Variants in PAQR8 observed in about 807,000 individuals in gnomAD.
PAQR8 encodes progestin and adipoQ receptor family member 8, also known as membrane progestin receptor beta.
Under a neutral mutation model 25.2 loss-of-function variants are expected in PAQR8, and 17 were observed. That is an observed-to-expected ratio of 0.67 (90% confidence interval 0.46 to 1.01). The LOEUF is 1.01. Among genes scored for constraint, PAQR8 ranks in the 50% least tolerant of loss-of-function variants. The probability of loss-of-function intolerance (pLI) is 0.00; values close to 1 mark genes in which losing one functional copy is unlikely to be tolerated. For missense variants in PAQR8, 392 were observed against 448.4 expected (o/e 0.87, Z 1.14); for synonymous variants, 204 against 190.6 (o/e 1.07, Z -0.58).
chr6:52,397,975 G>A (rs1293413750), intron 1 of PAQR8, among the ~76,000 whole-genome samples: 2 of 152,092 alleles, frequency 1.3e-5, no homozygotes, highest in South Asian at 2.1e-4. Context: ...CTTGGTGAAA[G>A]TGAGGCCTAA....
Position 52,406,446 on chromosome 6 carries a change from C to G in PAQR8, c.*2168C>G, listed in dbSNP as rs1763910979. ...GATCAGATGGGTGCACAGACCAGTGCCAATCTGAACATTGTTAATGGCCTG... is the reference window on the plus strand; with the variant it reads ...GATCAGATGGGTGCACAGACCAGTGGCAATCTGAACATTGTTAATGGCCTG... On this transcript the variant is annotated 3_prime_UTR_variant, in exon 2 of 2. Transcript: ENST00000442253. 1 of 413,260 alleles carries G rather than the reference C, an allele frequency of 2.4e-6. No individual in the cohort carries two copies. The highest frequency in any genetic ancestry group is 2.1e-5 in the African/African-American group (1 of 48,582). 25.6% of individuals were successfully genotyped at this position (413,260 alleles called of 1,614,324 possible).
At chr6:52,380,027 C>T (rs1287798432) in intron 1 of PAQR8, among the ~76,000 whole-genome samples, 1 of 152,186 alleles carries the variant, frequency 6.6e-6, no homozygotes, top group Non-Finnish European at 1.5e-5. Flanking sequence ...TCCCAAAGTG[C>T]TGGGATTACA....
In PAQR8 at chr6:52,405,829, ATT is replaced by A. The variant is rs1763901364; in HGVS notation, c.*1554_*1555del. 1 of 166,984 alleles carries A rather than the reference ATT, an allele frequency of 6.0e-6. No individual in the cohort carries two copies. Among genetic ancestry groups the A allele is most frequent in the South Asian group, 2.1e-4 (1 of 4,828 alleles). 10.3% of individuals were successfully genotyped at this position (166,984 alleles called of 1,614,324 possible). On this transcript the variant is annotated 3_prime_UTR_variant, in exon 2 of 2. Coordinates refer to ENST00000442253, the MANE Select transcript of PAQR8 (RefSeq NM_133367.5). ...TGAACACAATATATGCTCATGTAGA[ATT>A]TTCTGTTCTGGGTTATTGGGATAAG...
chr6:52,393,484 C>T (rs556366912), intron 1 of PAQR8, among the ~76,000 whole-genome samples: 23 of 151,784 alleles, frequency 1.5e-4, no homozygotes, highest in East Asian at 7.7e-4. Context: ...TACAGGTGTG[C>T]GCCACCATGC....
chr6:52,386,543 A>G (rs1763635026), intron 1 of PAQR8, among the ~76,000 whole-genome samples: 1 of 152,256 alleles, frequency 6.6e-6, no homozygotes, highest in African/African-American at 2.4e-5. Flanking sequence ...TTGCAGCAAC[A>G]TTATCTTAAG....
In PAQR8 at chr6:52,404,138, G is replaced by T; in HGVS notation, c.925G>T (p.Glu309Ter). Residue 309 changes from glutamate (E) to a stop codon, truncating the protein, a stop_gained, in exon 2 of 2, where the codon GAG becomes TAG. Transcript: ENST00000442253. LOFTEE classifies it high-confidence loss of function. Reference sequence around the variant, plus strand: ...CCTCCTGGACTACCAGGGGCGGCAGGAGATCTTCCTGCAGCGCCATGGACC... The same window carrying T: ...CCTCCTGGACTACCAGGGGCGGCAGTAGATCTTCCTGCAGCGCCATGGACC... Reference protein sequence around the residue: ...AILLDYQGRQEIFLQRHGPLS... With the variant: ...AILLDYQGRQ 6.2e-7 allele frequency: 1 copy of T among 1,614,220 alleles called. No homozygotes were observed. The highest frequency in any genetic ancestry group is 8.5e-7 in the Non-Finnish European group (1 of 1,180,030).
chr6:52,376,737 GTTCT>G (rs1349197882), intron 1 of PAQR8, among the ~76,000 whole-genome samples: 3 of 152,136 alleles, frequency 2.0e-5, no homozygotes, highest in Non-Finnish European at 2.9e-5. Flanking sequence ...GCTTACTGTT[GTTCT>G]TTATTTTCTG....
chr6:52,400,403 CT>C (rs2113951505), intron 1 of PAQR8, among the ~76,000 whole-genome samples: 1 of 152,288 alleles, frequency 6.6e-6, no homozygotes, highest in African/African-American at 2.4e-5. Flanking sequence ...TCATATAGTT[CT>C]TTTTCAGCCC....
rs1365738017 is a variant in PAQR8 at position 52,406,596 on chromosome 6, T to G, written c.*2318T>G. On this transcript the variant is annotated 3_prime_UTR_variant, in exon 2 of 2. Transcript: ENST00000442253. ...CTCTTTTTCTGAGACAGGGTCTTAC[T>G]CTGTCGCCCAGGCTGGAGTGCAGTG... 11 of 412,596 alleles carry G rather than the reference T, an allele frequency of 2.7e-5. No individual in the cohort carries two copies. The highest frequency in any genetic ancestry group is 6.2e-5 in the African/African-American group (3 of 48,618). 25.6% of individuals were successfully genotyped at this position (412,596 alleles called of 1,614,324 possible).
At chr6:52,378,774 G>C (rs1763515655) in intron 1 of PAQR8, among the ~76,000 whole-genome samples, 1 of 144,670 alleles carries the variant, frequency 6.9e-6, no homozygotes, top group African/African-American at 2.6e-5. Context: ...CTGGGCGACA[G>C]AGCAAGATTC....
intron 1 of PAQR8, among the ~76,000 whole-genome samples, chr6:52,379,096 CAAAAAAA>C (rs70977347): frequency 7.5e-5 from 7 of 93,000 alleles, no homozygotes; most frequent in Non-Finnish European, 1.1e-4. Context: ...TACTCTTTAT[CAAAAAAA>C]AAAAAAAAAA....
rs1763303740 is a variant in PAQR8 at position 52,362,610 on chromosome 6, T to C, written c.-53+361T>C. On this transcript the variant is annotated intron_variant, in intron 1 of 1. Transcript: ENST00000442253. The surrounding 1 kb of genome is among the most constrained non-coding windows in gnomAD (Gnocchi z 4.1). ...GCTGGCGGGGGTGTGGGGACCGCGA[T>C]GTTGGGAAGGCTGAGCCCGGAGGGC... 6.5e-6 allele frequency: 1 copy of C among 153,568 alleles called. No individual in the cohort carries two copies. Among genetic ancestry groups the C allele is most frequent in the African/African-American group, 2.4e-5 (1 of 41,300 alleles). 9.5% of individuals were successfully genotyped at this position (153,568 alleles called of 1,614,324 possible). A position where few individuals can be genotyped will look rare whatever the true frequency, so the allele number is the denominator to read the frequency against.
chr6:52,395,917 G>C (rs890279529), intron 1 of PAQR8, among the ~76,000 whole-genome samples: 2 of 152,294 alleles, frequency 1.3e-5, no homozygotes, highest in Admixed American at 1.3e-4. Context: ...CCTGAGTAGA[G>C]CAAATACTAA....
chr6:52,406,217 A>G lies in PAQR8; in HGVS notation c.*1939A>G, dbSNP rs193168633. On this transcript the variant is annotated 3_prime_UTR_variant, in exon 2 of 2. Transcript: ENST00000442253. ...ACGTTGTTAGTAGAAGGTCAATTTAAAATAGGGACTAGAAATTATTTGAAG... is the reference window on the plus strand; with the variant it reads ...ACGTTGTTAGTAGAAGGTCAATTTAGAATAGGGACTAGAAATTATTTGAAG... 5.2e-4 allele frequency: 168 copies of G among 325,860 alleles called. No individual in the cohort carries two copies. Among genetic ancestry groups the G allele is most frequent in the Non-Finnish European group, 9.0e-4 (155 of 171,882 alleles). 20.2% of individuals were successfully genotyped at this position (325,860 alleles called of 1,614,324 possible).
rs1480342277 is a variant in PAQR8, at chr6:52,362,976, G to A, written c.-53+727G>A. On this transcript the variant is annotated intron_variant, in intron 1 of 1. Transcript: ENST00000442253. This position sits in a 1 kb window ranked among gnomAD's most constrained non-coding sequence, Gnocchi z 4.1. ...GGCTTGGCTGGATGGGAACGCCGCG[G>A]TGGGGTGTCGGAGGTGGCTGGTGGG... Among the ~76,000 whole-genome samples, 1 of 152,148 alleles carries A rather than the reference G, an allele frequency of 6.6e-6. No individual in the cohort carries two copies. Among genetic ancestry groups the A allele is most frequent in the East Asian group, 1.9e-4 (1 of 5,186 alleles).
At chr6:52,378,876 C>T (rs1266715257) in intron 1 of PAQR8, among the ~76,000 whole-genome samples, 1 of 151,594 alleles carries the variant, frequency 6.6e-6, no homozygotes, top group Non-Finnish European at 1.5e-5. Flanking sequence ...GTGGGTGGAT[C>T]ACCTGAGGTC....
chr6:52,389,353 GT>G (rs542770378), intron 1 of PAQR8, among the ~76,000 whole-genome samples: 5 of 152,194 alleles, frequency 3.3e-5, no homozygotes, highest in African/African-American at 4.8e-5. Context: ...TCCTCTGACT[GT>G]TTGCTGATAG....
At chr6:52,395,905 C>T (rs1369986111) in intron 1 of PAQR8, among the ~76,000 whole-genome samples, 1 of 152,226 alleles carries the variant, frequency 6.6e-6, no homozygotes, top group Admixed American at 6.5e-5. Flanking sequence ...CATAGCCACA[C>T]ACCTGAGTAG....
chr6:52,388,599 G>A (rs1229497039), intron 1 of PAQR8, among the ~76,000 whole-genome samples: 1 of 152,112 alleles, frequency 6.6e-6, no homozygotes, highest in East Asian at 1.9e-4. Flanking sequence ...TGCCATGTGA[G>A]GACATAACAA....
Sources: gnomAD v4.1 joint callset for allele counts (sites outside exome capture counted in the v4.1 genomes callset) on GRCh38, gnomAD v4.1.1 for gene constraint, Gnocchi (gnomAD v3.1) non-coding constraint, MANE v1.5 for transcripts, NCBI Gene and HGNC (gene_info 2026-07-23, HGNC 2026-07-21) for gene names.